Variants in SOBP observed in about 807,000 individuals in gnomAD.
The protein encoded by SOBP is sine oculis-binding protein homolog.
SOBP carries 4 observed loss-of-function variants against 53.6 expected under a neutral mutation model. The ratio of observed to expected loss-of-function variants is 0.07; its 90% CI spans 0.04 to 0.17. SOBP has a LOEUF of 0.17. Ranked by LOEUF, SOBP falls within the 10% of genes least tolerant of loss-of-function variation. The pLI is 1.00. For synonymous variants in SOBP, 584 were observed against 522.6 expected, an observed-to-expected ratio of 1.12 and a Z score of -1.60; for missense variants, 1,088 against 1,204.7, an observed-to-expected ratio of 0.90 and a Z score of 1.43.
At position 107,635,603 on chromosome 6, in the gene SOBP, C is replaced by T. The variant is rs1400844021; in HGVS notation, c.*3+134C>T. 7 of 1,234,194 alleles carry T rather than the reference C, an allele frequency of 5.7e-6. No homozygotes were observed. The Admixed American group carries it at 1.4e-4, about 24-fold the overall frequency. The allele number at this position is 1,234,194 out of a possible 1,614,324, so 76.5% of individuals were successfully genotyped here. A position where few individuals can be genotyped will look rare whatever the true frequency, so the allele number is the denominator to read the frequency against. ...TTTTATATTGCACACGGTGTGGTCA[C>T]GCTATCAACATTCTGAGCCAGCAGC... On this transcript the variant is annotated intron_variant, in intron 6 of 6. Transcript: ENST00000317357. This position sits in a 1 kb window ranked among gnomAD's most constrained non-coding sequence, Gnocchi z 4.5.
intron 4 of SOBP, among the ~76,000 whole-genome samples, chr6:107,547,592 A>G (rs1229367258): frequency 2.6e-5 from 4 of 152,220 alleles, no homozygotes; most frequent in Non-Finnish European, 5.9e-5. Flanking sequence ...ATTGTTGAGG[A>G]CAAAAGAACT....
chr6:107,624,970 A>C (rs1009961555), intron 5 of SOBP, among the ~76,000 whole-genome samples: 2 of 152,216 alleles, frequency 1.3e-5, no homozygotes, highest in African/African-American at 4.8e-5. Context: ...GGGCAGTATG[A>C]GTTTTGAAGC....
chr6:107,523,950 G>A (rs1562589051), intron 3 of SOBP, among the ~76,000 whole-genome samples: 1 of 152,354 alleles, frequency 6.6e-6, no homozygotes, highest in East Asian at 1.9e-4. Flanking sequence ...ACAGTGCCTG[G>A]CACGAAGTTG....
intron 3 of SOBP, among the ~76,000 whole-genome samples, chr6:107,532,103 TC>T (rs1175433168): frequency 6.6e-6 from 1 of 152,060 alleles, no homozygotes; most frequent in Non-Finnish European, 1.5e-5. Context: ...GGGGATTTTA[TC>T]CAGAAATCAG....
At chr6:107,645,677 G>A (rs1057511714) in intron 6 of SOBP, among the ~76,000 whole-genome samples, 1 of 152,240 alleles carries the variant, frequency 6.6e-6, no homozygotes, top group African/African-American at 2.4e-5. Context: ...GGGGCTGGAA[G>A]AATGAGCACA....
At chr6:107,566,777 AGCTTAC>A (rs1784929148) in intron 4 of SOBP, among the ~76,000 whole-genome samples, 1 of 152,106 alleles carries the variant, frequency 6.6e-6, no homozygotes, top group Admixed American at 6.5e-5. Flanking sequence ...GGTGTATTCT[AGCTTAC>A]GTTCCTGAGG....
intron 3 of SOBP, chr6:107,514,406 A>G (rs1048853786): frequency 2.0e-5 from 3 of 152,218 alleles, no homozygotes; most frequent in African/African-American, 4.8e-5. Context: ...GAAGATAGCA[A>G]TTGAAAACTC....
intron 3 of SOBP, among the ~76,000 whole-genome samples, chr6:107,530,298 A>G (rs937882124): frequency 2.0e-5 from 3 of 152,172 alleles, no homozygotes; most frequent in Admixed American, 2.0e-4. Context: ...CATGCATTTC[A>G]TTTCCATGTT....
chr6:107,538,446 A>G lies in SOBP; in HGVS notation c.573+4836A>G, dbSNP rs568597631. On this transcript the variant is annotated intron_variant, in intron 4 of 6. Transcript: ENST00000317357. ...CCTGACCACCTGAAGCTCAGGCCAC[A>G]TACTTGCTTTTGCCAGTTGCTGGCA... Among the ~76,000 whole-genome samples, 92 of 152,364 alleles carry G rather than the reference A, an allele frequency of 6.0e-4. 1 individual carries two copies. The highest frequency in any genetic ancestry group is 5.1e-3 in the Admixed American group (78 of 15,308).
chr6:107,503,677 G>T lies in SOBP; in HGVS notation c.117G>T (p.Met39Ile). ...EEMKNFAENT[M>I]NELLGWYGYD... ...TTCAGAACTTTGCAGAAAACACCAT[G>T]AATGAACTCCTTGGCTGGTATGGCT... The change falls in exon 2 of 7, where the codon ATG (methionine) becomes ATT (isoleucine). Residue 39 changes from methionine (M) to isoleucine (I), a missense_variant. Physicochemically the swap from Met to Ile is conservative, Grantham distance 10. This residue lies in a region of SOBP where 8 missense variants were observed against 26.2 expected (regional missense o/e 0.30). Transcript: ENST00000317357. The T allele has an allele frequency of 1.9e-6, 3 of 1,614,164 alleles. No homozygotes were observed. The highest frequency in any genetic ancestry group is 2.5e-6 in the Non-Finnish European group (3 of 1,180,012).
intron 4 of SOBP, among the ~76,000 whole-genome samples, chr6:107,561,798 T>C (rs1288226386): frequency 6.6e-6 from 1 of 152,318 alleles, no homozygotes; most frequent in East Asian, 1.9e-4. Context: ...GTCTAAGGGC[T>C]GTTTCATTTA....
intron 1 of SOBP, among the ~76,000 whole-genome samples, chr6:107,493,112 C>T (rs1782617405): frequency 6.6e-6 from 1 of 152,144 alleles, no homozygotes; most frequent in Admixed American, 6.5e-5. Flanking sequence ...TATTACTCCT[C>T]CAGCTCCCTG....
intron 6 of SOBP, among the ~76,000 whole-genome samples, chr6:107,646,113 T>C (rs980399109): frequency 2.0e-5 from 3 of 152,250 alleles, no homozygotes; most frequent in Admixed American, 2.0e-4. Context: ...AGACTGACAT[T>C]GCTAAAGCTG....
chr6:107,550,359 CTGTT>C (rs1428887941), intron 4 of SOBP, among the ~76,000 whole-genome samples: 1 of 152,166 alleles, frequency 6.6e-6, no homozygotes, highest in African/African-American at 2.4e-5. Flanking sequence ...AGAAGAGTGT[CTGTT>C]TGAGCGTGTG....
At position 107,533,296 on chromosome 6, in the gene SOBP, A is replaced by AGG. The variant is rs1356610110; in HGVS notation, c.422-162_422-161insGG. 4.8e-3 allele frequency among the ~76,000 whole-genome samples: 698 copies of AGG among 144,758 alleles called. 27 individuals carry two copies. The East Asian group carries it at 0.08, about 17-fold the overall frequency. 95.0% of individuals were successfully genotyped at this position (144,758 alleles called of 152,430 possible). On this transcript the variant is annotated intron_variant, in intron 3 of 6. Transcript: ENST00000317357. Reference sequence around the variant, plus strand: ...CAAAAAAAAAAAAAAAAAAAAAAAAAGAGAGAGAGAAAGAGAGAGAGAGAG... The same window carrying AGG: ...CAAAAAAAAAAAAAAAAAAAAAAAAAGGGAGAGAGAGAAAGAGAGAGAGAGAG...
intron 6 of SOBP, among the ~76,000 whole-genome samples, chr6:107,640,694 G>A (rs1380581597): frequency 6.6e-6 from 1 of 152,188 alleles, no homozygotes; most frequent in East Asian, 1.9e-4. Flanking sequence ...TAATGTACAA[G>A]CATCCAACTT....
chr6:107,514,101 G>GT (rs1264323730), intron 3 of SOBP: 2 of 152,542 alleles, frequency 1.3e-5, no homozygotes, highest in Admixed American at 1.3e-4. Flanking sequence ...CACTATGGCA[G>GT]TATTTCAGTC....
chr6:107,500,730 T>C (rs565156104), intron 1 of SOBP, among the ~76,000 whole-genome samples: 1 of 152,016 alleles, frequency 6.6e-6, no homozygotes, highest in East Asian at 1.9e-4. Flanking sequence ...TTTCACCATG[T>C]TAGCCAGGAT....
rs553700962 is a variant in SOBP, at chr6:107,650,020, A to C, written c.*4-8187A>C. Among the ~76,000 whole-genome samples, 5 of 152,340 alleles carry C rather than the reference A, an allele frequency of 3.3e-5. No individual in the cohort carries two copies. In the East Asian group the frequency reaches 9.6e-4, roughly 29 times the overall value. On this transcript the variant is annotated intron_variant, in intron 6 of 6. Transcript: ENST00000317357. ...TTTTCATTTGTAAAATGAAGACTTA[A>C]AGATAGAGTTATCCCAGTAGGGAGT...
Sources: gnomAD v4.1 joint callset for allele counts (sites outside exome capture counted in the v4.1 genomes callset) on GRCh38, gnomAD v4.1.1 for gene constraint, gnomAD v4.1.1 regional missense constraint, Gnocchi (gnomAD v3.1) non-coding constraint, MANE v1.5 for transcripts, NCBI Gene and HGNC (gene_info 2026-07-23, HGNC 2026-07-21) for gene names.